Variants in EIF4G3 observed in about 807,000 individuals in gnomAD.
EIF4G3 encodes the protein eIF-4-gamma 3.
Under a neutral mutation model 186.4 loss-of-function variants are expected in EIF4G3, and 34 were observed. The ratio of observed to expected loss-of-function variants is 0.18; its 90% CI spans 0.14 to 0.24. EIF4G3 has a LOEUF of 0.24. EIF4G3 is among the 10% of genes least tolerant of loss of function. The pLI is 1.00. For missense variants in EIF4G3, 1,536 were observed against 1,948.5 expected (o/e 0.79, Z 3.99); for synonymous variants, 673 against 679.5 (o/e 0.99, Z 0.15).
intron 4 of EIF4G3, among the ~76,000 whole-genome samples, chr1:21,012,710 T>C (rs1025851803): frequency 2.0e-4 from 30 of 152,274 alleles, no homozygotes; most frequent in South Asian, 6.2e-4. Flanking sequence ...AGATGGCGGA[T>C]AGGAGACAGG....
chr1:20,926,149 T>C (rs1428447512), intron 14 of EIF4G3, among the ~76,000 whole-genome samples: 2 of 152,208 alleles, frequency 1.3e-5, no homozygotes, highest in Admixed American at 1.3e-4. Flanking sequence ...TTACAGGATA[T>C]GTAGCTTAAT....
intron 2 of EIF4G3, among the ~76,000 whole-genome samples, chr1:21,123,731 T>C (rs1442817957): frequency 2.0e-5 from 3 of 152,150 alleles, no homozygotes; most frequent in East Asian, 1.9e-4. Flanking sequence ...AACAAACTTA[T>C]CTGCAGAGTT....
At chr1:21,053,784 T>C (rs28615768) in intron 3 of EIF4G3, among the ~76,000 whole-genome samples, 134,780 of 144,328 alleles carry the variant, frequency 0.93, 63,478 homozygotes, top group Non-Finnish European at 1. Context: ...TCTGCCCGGC[T>C]GCCCCTACTG....
At chr1:21,109,652 G>A (rs2096682167) in intron 2 of EIF4G3, among the ~76,000 whole-genome samples, 1 of 152,102 alleles carries the variant, frequency 6.6e-6, no homozygotes, top group Non-Finnish European at 1.5e-5. Context: ...TATAATTTAT[G>A]TATTTCCCAA....
chr1:21,058,719 CTTTTTTTTTT>C (rs66576703), intron 3 of EIF4G3, among the ~76,000 whole-genome samples: 11 of 82,026 alleles, frequency 1.3e-4, no homozygotes, highest in Non-Finnish European at 1.9e-4. Context: ...CTCTCTCTCT[CTTTTTTTTTT>C]TTTTTTTTTT....
chr1:20,942,118 G>T lies in EIF4G3; in HGVS notation c.1036C>A (p.Gln346Lys). The change falls in exon 14 of 37, where the codon CAA becomes AAA. Residue 346 changes from glutamine (Q) to lysine (K), a missense_variant. Transcript: ENST00000602326. ...AAPTSSALSS[Q>K]PIFTTAIDDR... ...TCTATAGCAGTGGTGAATATTGGTT[G>T]GCTACTAAGAGCAGAAGAGGTGGGG... 6.2e-7 allele frequency: 1 copy of T among 1,614,142 alleles called. No individual in the cohort carries two copies. The highest frequency in any genetic ancestry group is 8.5e-7 in the Non-Finnish European group (1 of 1,180,012).
chr1:20,841,092 A>G, intron 29 of EIF4G3, 64 bp from the exon 30 acceptor site: 1 of 1,540,222 alleles, frequency 6.5e-7, no homozygotes, highest in South Asian at 1.2e-5. Flanking sequence ...ATGTTAAGAT[A>G]ACTTTAAAAT....
chr1:20,932,578 T>C (rs2095360928), intron 14 of EIF4G3, among the ~76,000 whole-genome samples: 1 of 152,072 alleles, frequency 6.6e-6, no homozygotes. Context: ...TACCCTAATT[T>C]CAATATTGTT....
intron 20 of EIF4G3, among the ~76,000 whole-genome samples, chr1:20,871,740 T>C (rs1156743322): frequency 1.3e-5 from 2 of 152,198 alleles, no homozygotes; most frequent in Admixed American, 1.3e-4. Flanking sequence ...CAGCTCAATT[T>C]TGGGCATTTC....
At chr1:20,976,253 G>A (rs2076844590) in intron 10 of EIF4G3, among the ~76,000 whole-genome samples, 1 of 151,776 alleles carries the variant, frequency 6.6e-6, no homozygotes, top group Non-Finnish European at 1.5e-5. Context: ...GTATACATGT[G>A]CCATGTTAGT....
Position 20,849,363 on chromosome 1 carries a change from T to C in EIF4G3, c.3888+52A>G, listed in dbSNP as rs921293593. 6 of 1,017,002 alleles carry C rather than the reference T, an allele frequency of 5.9e-6. No homozygotes were observed. The Admixed American group carries it at 1.1e-4, about 19-fold the overall frequency. The allele number at this position is 1,017,002 out of a possible 1,614,324, so 63.0% of individuals were successfully genotyped here. A position where few individuals can be genotyped will look rare whatever the true frequency, so the allele number is the denominator to read the frequency against. On this transcript the variant is annotated intron_variant, in intron 29 of 36. Transcript: ENST00000602326. ...GATTTAGACCAGAACCAAGTTATTCTATACTATCAAAGGACTTACTGTGTG... is the reference window on the plus strand; with the variant it reads ...GATTTAGACCAGAACCAAGTTATTCCATACTATCAAAGGACTTACTGTGTG...
At chr1:20,870,125 C>T (rs2078783209) in intron 20 of EIF4G3, among the ~76,000 whole-genome samples, 1 of 152,120 alleles carries the variant, frequency 6.6e-6, no homozygotes, top group African/African-American at 2.4e-5. Flanking sequence ...ACAAATCCCT[C>T]CTCCTCCAGT....
intron 2 of EIF4G3, among the ~76,000 whole-genome samples, chr1:21,113,573 G>A (rs562192628): frequency 7.2e-5 from 11 of 152,138 alleles, no homozygotes; most frequent in African/African-American, 2.4e-4. Context: ...TCCATGTGCT[G>A]TTACAGTAAA....
chr1:21,001,089 G>A (rs762859818), intron 6 of EIF4G3, 110 bp downstream of exon 6: 33 of 419,312 alleles, frequency 7.9e-5, no homozygotes, highest in Non-Finnish European at 1.5e-4. Flanking sequence ...TTTCAGAGAG[G>A]AAGCAATCAA....
chr1:21,129,036 C>T (rs2097101759), intron 2 of EIF4G3, among the ~76,000 whole-genome samples: 1 of 151,990 alleles, frequency 6.6e-6, no homozygotes, highest in Admixed American at 6.6e-5. Context: ...AAAATCTGGC[C>T]GGGCGGGGTA....
At chr1:20,843,614 T>A (rs1375373980) in intron 29 of EIF4G3, among the ~76,000 whole-genome samples, 3 of 152,208 alleles carry the variant, frequency 2.0e-5, no homozygotes, top group Non-Finnish European at 4.4e-5. Context: ...TGTGTTTGCA[T>A]AAAGGGTCAA....
chr1:20,836,790 C>T (rs573202235), intron 30 of EIF4G3, among the ~76,000 whole-genome samples: 14 of 152,298 alleles, frequency 9.2e-5, no homozygotes, highest in African/African-American at 3.4e-4. Flanking sequence ...TAACAGCAAA[C>T]TGCACTCAAC....
intron 19 of EIF4G3, among the ~76,000 whole-genome samples, 159 bp downstream of exon 19, chr1:20,886,042 G>A (rs1032602385): frequency 1.3e-5 from 2 of 152,204 alleles, no homozygotes; most frequent in Admixed American, 6.5e-5. Context: ...ACAGTAGGTT[G>A]CCTGGCATCC....
intron 7 of EIF4G3, among the ~76,000 whole-genome samples, chr1:20,995,403 T>C (rs1267238039): frequency 6.6e-6 from 1 of 152,116 alleles, no homozygotes; most frequent in Non-Finnish European, 1.5e-5. Context: ...ATGGGAGTCT[T>C]GCTCTGTCGC....
Sources: allele counts gnomAD v4.1 joint callset (sites outside exome capture counted in the v4.1 genomes callset), GRCh38; gene constraint gnomAD v4.1.1; transcripts MANE v1.5; gene names NCBI Gene and HGNC (gene_info 2026-07-23, HGNC 2026-07-21).